TINAG: variants seen among roughly 807,000 people sequenced by gnomAD.
TINAG encodes tubulointerstitial nephritis antigen.
In TINAG, 83 loss-of-function variants were observed where a neutral mutation model predicts 72.7. The observed-to-expected ratio is 1.14, with a 90% CI of 0.96 to 1.37. TINAG has a LOEUF of 1.37. Ranked by LOEUF, TINAG falls within the 40% of genes most tolerant of loss-of-function variation. The pLI is 0.00. For synonymous variants in TINAG, 234 were observed against 189.9 expected (o/e 1.23, Z -1.91); for missense variants, 685 against 576.6 (o/e 1.19, Z -1.93).
chr6:54,367,640 T>A (rs1002109219), intron 9 of TINAG, among the ~76,000 whole-genome samples: 2 of 151,828 alleles, frequency 1.3e-5, no homozygotes, highest in Non-Finnish European at 2.9e-5. Flanking sequence ...CATTTGAGCA[T>A]CCTCTACTGT....
At chr6:54,313,693 T>G (rs1784309811) in intron 1 of TINAG, among the ~76,000 whole-genome samples, 1 of 152,176 alleles carries the variant, frequency 6.6e-6, no homozygotes. Flanking sequence ...TGTTTGAATT[T>G]GGATTAATTG....
intron 3 of TINAG, among the ~76,000 whole-genome samples, chr6:54,324,309 T>C (rs1237423173): frequency 1.3e-5 from 2 of 152,224 alleles, no homozygotes; most frequent in East Asian, 1.9e-4. Context: ...TTGTCTGTGA[T>C]GGCCTTACTC....
rs192067374 is a variant in TINAG at position 54,322,338 on chromosome 6, A to G, written c.509+952A>G. Among the ~76,000 whole-genome samples, 375 of 151,452 alleles carry G rather than the reference A, an allele frequency of 2.5e-3. 2 individuals are homozygous for G. Among genetic ancestry groups the G allele is most frequent in the African/African-American group, 8.9e-3 (364 of 40,898 alleles). On this transcript the variant is annotated intron_variant, in intron 3 of 10. Transcript: ENST00000259782. ...AACAAAACAAAACAAACAAACAAAA[A>G]AAAAACAAGAAACATAAAAAGATAC...
At chr6:54,316,545 T>A (rs1026106047) in intron 1 of TINAG, among the ~76,000 whole-genome samples, 6 of 151,864 alleles carry the variant, frequency 4.0e-5, no homozygotes, top group African/African-American at 1.5e-4. Context: ...CCCTGGGGGG[T>A]GGATTCCTGA....
At chr6:54,339,083 G>A (rs1784937722) in intron 4 of TINAG, among the ~76,000 whole-genome samples, 1 of 152,078 alleles carries the variant, frequency 6.6e-6, no homozygotes, top group Non-Finnish European at 1.5e-5. Context: ...AAATTGAGAT[G>A]CTTTCTTACA....
At chr6:54,338,492 T>C (rs1245405582) in intron 4 of TINAG, among the ~76,000 whole-genome samples, 2 of 151,608 alleles carry the variant, frequency 1.3e-5, no homozygotes, top group African/African-American at 4.8e-5. Flanking sequence ...GAGGCCGAGG[T>C]GGGCGGATCA....
chr6:54,362,717 A>G (rs1010344915), intron 9 of TINAG, among the ~76,000 whole-genome samples: 2 of 151,548 alleles, frequency 1.3e-5, no homozygotes, highest in Non-Finnish European at 3.0e-5. Context: ...GGCAAACTCA[A>G]TTGAAAACTT....
chr6:54,318,214 C>G (rs537129879), intron 1 of TINAG, among the ~76,000 whole-genome samples: 1 of 152,258 alleles, frequency 6.6e-6, no homozygotes, highest in African/African-American at 2.4e-5. Flanking sequence ...AATTCATGCT[C>G]CAGCCTGGGC....
intron 9 of TINAG, among the ~76,000 whole-genome samples, chr6:54,360,308 A>T (rs1763185780): frequency 1.3e-5 from 2 of 151,858 alleles, no homozygotes; most frequent in South Asian, 4.1e-4. Flanking sequence ...CATTTAATTG[A>T]ATAAATAACA....
At chr6:54,323,656 A>G (rs1157501984) in intron 3 of TINAG, among the ~76,000 whole-genome samples, 2 of 152,212 alleles carry the variant, frequency 1.3e-5, no homozygotes, top group Non-Finnish European at 2.9e-5. Context: ...GGCTGAGGAT[A>G]CAAATAAATC....
chr6:54,315,196 C>T (rs1453591898), intron 1 of TINAG, among the ~76,000 whole-genome samples: 1 of 151,984 alleles, frequency 6.6e-6, no homozygotes, highest in African/African-American at 2.4e-5. Context: ...TTGTTCAGTT[C>T]CTCTTATTGT....
At chr6:54,351,322 G>T in intron 7 of TINAG, 30 bp from the exon 8 acceptor site, 1 of 1,584,266 alleles carries the variant, frequency 6.3e-7, no homozygotes, top group South Asian at 1.1e-5. Flanking sequence ...TGATAACAAT[G>T]ATATTGCTTA....
Position 54,385,766 on chromosome 6 carries a change from G to A in TINAG, c.1297-4025G>A, listed in dbSNP as rs532618048. On this transcript the variant is annotated intron_variant, in intron 10 of 10. Coordinates refer to ENST00000259782, the MANE Select transcript of TINAG (RefSeq NM_014464.4). Reference sequence around the variant, plus strand: ...TATTACAATTAAGAAATATATAAAGGGATAACACTCCATAAGTGAAACTTA... The same window carrying A: ...TATTACAATTAAGAAATATATAAAGAGATAACACTCCATAAGTGAAACTTA... Among the ~76,000 whole-genome samples, 20 of 150,896 alleles carry A rather than the reference G, an allele frequency of 1.3e-4. No individual in the cohort carries two copies. The South Asian group carries it at 4.2e-3, about 31-fold the overall frequency.
At chr6:54,371,660 A>G (rs2150975574) in intron 9 of TINAG, among the ~76,000 whole-genome samples, 1 of 152,182 alleles carries the variant, frequency 6.6e-6, no homozygotes, top group South Asian at 2.1e-4. Flanking sequence ...AATGACAGGA[A>G]GAAACAATTT....
intron 9 of TINAG, among the ~76,000 whole-genome samples, chr6:54,375,341 G>A (rs556206295): frequency 6.6e-6 from 1 of 152,148 alleles, no homozygotes. Flanking sequence ...AAAGGTTTAT[G>A]TGTAGAGCCA....
intron 4 of TINAG, among the ~76,000 whole-genome samples, chr6:54,341,558 C>T (rs1028838821): frequency 1.4e-5 from 2 of 147,386 alleles, no homozygotes; most frequent in African/African-American, 4.9e-5. Flanking sequence ...CAAAACTGAA[C>T]TCCCCTATTA....
chr6:54,364,452 G>T (rs1413346913), intron 9 of TINAG, among the ~76,000 whole-genome samples: 1 of 151,344 alleles, frequency 6.6e-6, no homozygotes, highest in Non-Finnish European at 1.5e-5. Context: ...ATTTGGAGAA[G>T]ATAGAAAAAT....
chr6:54,312,499 A>G (rs1784280873), intron 1 of TINAG, among the ~76,000 whole-genome samples: 4 of 152,176 alleles, frequency 2.6e-5, no homozygotes, highest in Admixed American at 2.6e-4. Context: ...AGAAATGTAG[A>G]TAAGTTCCCT....
At chr6:54,321,217 A>G (rs1332752418) in intron 2 of TINAG, 80 bp from the exon 3 acceptor site, 4 of 1,046,592 alleles carry the variant, frequency 3.8e-6, no homozygotes, top group East Asian at 4.8e-5. Flanking sequence ...TTTATGCCTT[A>G]ACAATGTATA....
Sources: gnomAD v4.1 joint callset for allele counts (sites outside exome capture counted in the v4.1 genomes callset) on GRCh38, gnomAD v4.1.1 for gene constraint, MANE v1.5 for transcripts, NCBI Gene and HGNC (gene_info 2026-07-23, HGNC 2026-07-21) for gene names.